RRBP1: variants seen among roughly 807,000 people sequenced by gnomAD.
RRBP1 encodes ribosome binding protein 1, also known as ribosome-binding protein 1.
A neutral mutation model predicts 165.2 loss-of-function variants in RRBP1; 94 were observed. That is an observed-to-expected ratio of 0.57 (90% CI 0.48 to 0.68). RRBP1 has a LOEUF of 0.68. Among genes scored for constraint, RRBP1 ranks in the 30% least tolerant of loss-of-function variants. The probability of loss-of-function intolerance (pLI) is 0.00; values close to 1 mark genes in which losing one functional copy is unlikely to be tolerated. For synonymous variants in RRBP1, 680 were observed against 714.5 expected (o/e 0.95, Z 0.77); for missense variants, 1,676 against 1,763.0 (o/e 0.95, Z 0.88).
rs980690209 is a variant in RRBP1 at position 17,643,764 on chromosome 20, G to A, written c.1913-637C>T. Among the ~76,000 whole-genome samples the A allele has an allele frequency of 6.6e-6, 1 of 152,152 alleles. No homozygotes were observed. Among genetic ancestry groups the A allele is most frequent in the Non-Finnish European group, 1.5e-5 (1 of 68,034 alleles). ...AGGCTGGCTGGGTTCTTATAGAAAG[G>A]GCCTGTCCACTGGCCAGTCCATGAG... On this transcript the variant is annotated intron_variant, in intron 3 of 24. Coordinates refer to ENST00000377813, the MANE Select transcript of RRBP1 (RefSeq NM_001365613.2). This position sits in a 1 kb window ranked among gnomAD's most constrained non-coding sequence, Gnocchi z 4.3.
rs200982377 is a variant in RRBP1, at chr20:17,621,951, G to C, written c.3148-4C>G. The C allele has an allele frequency of 2.7e-4, 441 of 1,609,968 alleles. 5 individuals are homozygous for C. In the African/African-American group the frequency reaches 5.4e-3, roughly 20 times the overall value. On this transcript the variant is annotated splice_region_variant and splice_polypyrimidine_tract_variant and intron_variant, in intron 13 of 24. Coordinates refer to ENST00000377813, the MANE Select transcript of RRBP1 (RefSeq NM_001365613.2). ...AGAGCTGCTTCTCCGATTCCTCCTGGGGGGTGGGTGGGGAAGAGCGGAAGG... is the reference window on the plus strand; with the variant it reads ...AGAGCTGCTTCTCCGATTCCTCCTGCGGGGTGGGTGGGGAAGAGCGGAAGG...
At chr20:17,616,917 C>T (rs761553694) in intron 20 of RRBP1, 78 bp from the exon 21 acceptor site, 3 of 1,154,644 alleles carry the variant, frequency 2.6e-6, no homozygotes, top group Non-Finnish European at 2.6e-6. Context: ...GGGACCCCCT[C>T]GGAGGACCGT....
intron 24 of RRBP1, among the ~76,000 whole-genome samples, chr20:17,614,492 G>A (rs1479989518): frequency 6.6e-6 from 1 of 152,262 alleles, no homozygotes; most frequent in African/African-American, 2.4e-5. Flanking sequence ...CCAGCAGGGG[G>A]ATCAGACACT....
intron 1 of RRBP1, among the ~76,000 whole-genome samples, chr20:17,680,473 C>T (rs1187826985): frequency 6.6e-6 from 1 of 152,152 alleles, no homozygotes; most frequent in Non-Finnish European, 1.5e-5. Context: ...TGAGCAGTGA[C>T]GTGGGAGGCT....
At chr20:17,666,399 TAA>T (rs1232238425) in intron 2 of RRBP1, among the ~76,000 whole-genome samples, 1 of 152,102 alleles carries the variant, frequency 6.6e-6, no homozygotes, top group African/African-American at 2.4e-5. Context: ...ATTTTCTCCA[TAA>T]AAGTCTTACA....
At chr20:17,658,495 T>A in intron 3 of RRBP1, 101 bp downstream of exon 3, 2 of 1,020,144 alleles carry the variant, frequency 2.0e-6, no homozygotes. Context: ...AGCCTTATTA[T>A]GACAATAGCT....
At chr20:17,619,357 G>A (rs919920317) in intron 19 of RRBP1, 2 of 373,214 alleles carry the variant, frequency 5.4e-6, no homozygotes, top group Non-Finnish European at 9.6e-6. Flanking sequence ...CCTTGCGGAG[G>A]GATAACCTAG....
chr20:17,663,446 T>C (rs2036808634), intron 2 of RRBP1, among the ~76,000 whole-genome samples: 1 of 152,242 alleles, frequency 6.6e-6, no homozygotes, highest in Admixed American at 6.5e-5. Context: ...AGCACAAATG[T>C]GTCTTCCCAA....
intron 3 of RRBP1, among the ~76,000 whole-genome samples, chr20:17,653,935 T>C (rs1270312944): frequency 1.3e-5 from 2 of 151,774 alleles, no homozygotes; most frequent in South Asian, 2.1e-4. Flanking sequence ...CCAATGTTGA[T>C]GGGGACATTA....
In RRBP1 at chr20:17,645,322, T is replaced by C. The variant is rs529660219; in HGVS notation, c.1913-2195A>G. On this transcript the variant is annotated intron_variant, in intron 3 of 24. Coordinates refer to ENST00000377813, the MANE Select transcript of RRBP1 (RefSeq NM_001365613.2). ...TCTCGGAGCGGCATTCTCATAAATC[T>C]TTATTAAAACTTTCTAACGTAATTC... Among the ~76,000 whole-genome samples, 3 of 152,360 alleles carry C rather than the reference T, an allele frequency of 2.0e-5. No individual in the cohort carries two copies. The South Asian group carries it at 6.2e-4, about 32-fold the overall frequency.
rs917217466 is a variant in RRBP1, at chr20:17,643,370, G to A, written c.1913-243C>T. Among the ~76,000 whole-genome samples the A allele has an allele frequency of 6.6e-6, 1 of 152,090 alleles. No homozygotes were observed. The highest frequency in any genetic ancestry group is 1.5e-5 in the Non-Finnish European group (1 of 67,990). On this transcript the variant is annotated intron_variant, in intron 3 of 24. Transcript: ENST00000377813. The surrounding 1 kb of genome is among the most constrained non-coding windows in gnomAD (Gnocchi z 4.3). Reference sequence around the variant, plus strand: ...ACTCGCCCATAGGAAGTCCCAGCCTGGGGTGGAAGTAGAGCTCCTCTTTTT... The same window carrying A: ...ACTCGCCCATAGGAAGTCCCAGCCTAGGGTGGAAGTAGAGCTCCTCTTTTT...
chr20:17,635,743 G>A (rs2036235747), intron 6 of RRBP1, 79 bp from the exon 7 acceptor site: 2 of 1,047,604 alleles, frequency 1.9e-6, no homozygotes, highest in Non-Finnish European at 1.5e-6. Flanking sequence ...GGTTAGTGAA[G>A]ACACAGCCCA....
At position 17,658,808 on chromosome 20, in the gene RRBP1, C is replaced by G; in HGVS notation, c.1700G>C (p.Gly567Ala). The change falls in exon 3 of 25, where the codon GGG becomes GCG. Residue 567 changes from glycine (G) to alanine (A), a missense_variant. Coordinates refer to ENST00000377813, the MANE Select transcript of RRBP1 (RefSeq NM_001365613.2). ...ACTGGGGGACCCTTCTGCTTTTTTC[C>G]CCTGGTTTGTAATACCCTCTACCTT... ...GTKVEGITNQ[G>A]KKAEGSPSEG... The G allele has an allele frequency of 6.2e-7, 1 of 1,613,962 alleles. No homozygotes were observed. The highest frequency in any genetic ancestry group is 1.6e-4 in the Middle Eastern group (1 of 6,062).
At chr20:17,615,378 C>T in intron 23 of RRBP1, 53 bp downstream of exon 23, 1 of 1,434,534 alleles carries the variant, frequency 7.0e-7, no homozygotes, top group African/African-American at 1.4e-5. Context: ...AAGAGTGGCG[C>T]CAGCCCCAGA....
At chr20:17,645,192 G>A (rs902617591) in intron 3 of RRBP1, among the ~76,000 whole-genome samples, 2 of 152,202 alleles carry the variant, frequency 1.3e-5, no homozygotes, top group Admixed American at 1.3e-4. Flanking sequence ...TCTGGATAAG[G>A]CAGCTGGAGG....
At chr20:17,633,365 CA>C in intron 8 of RRBP1, 94 bp downstream of exon 8, 2 of 1,366,764 alleles carry the variant, frequency 1.5e-6, no homozygotes, top group Non-Finnish European at 2.0e-6. Context: ...AACGGGTGCC[CA>C]GTGTGGCACG....
intron 3 of RRBP1, among the ~76,000 whole-genome samples, chr20:17,649,590 T>TG (rs1467526190): frequency 2.5e-4 from 2 of 7,886 alleles, no homozygotes; most frequent in African/African-American, 1.8e-3. Context: ...CAGGCGTGGG[T>TG]GGGTGGGTGG....
At position 17,621,681 on chromosome 20, in the gene RRBP1, C is replaced by A; in HGVS notation, c.3324+9G>T. The A allele has an allele frequency of 6.2e-7, 1 of 1,613,162 alleles. No homozygotes were observed. Reference sequence around the variant, plus strand: ...CAACAGAGGAGCCTTGCCAGGCAGCCACACTTACCGAGGAGGGCTCCGCGG... The same window carrying A: ...CAACAGAGGAGCCTTGCCAGGCAGCAACACTTACCGAGGAGGGCTCCGCGG... On this transcript the variant is annotated intron_variant, in intron 15 of 24. Coordinates refer to ENST00000377813, the MANE Select transcript of RRBP1 (RefSeq NM_001365613.2).
In RRBP1 at chr20:17,648,516, C is replaced by T. The variant is rs141452469; in HGVS notation, c.1913-5389G>A. On this transcript the variant is annotated intron_variant, in intron 3 of 24. Transcript: ENST00000377813. Reference sequence around the variant, plus strand: ...CAGCTGCACTTGACCCCAAATGCCACGAACGGTCACATCCGCAGCTTTAAG... The same window carrying T: ...CAGCTGCACTTGACCCCAAATGCCATGAACGGTCACATCCGCAGCTTTAAG... Among the ~76,000 whole-genome samples, 258 of 152,364 alleles carry T rather than the reference C, an allele frequency of 1.7e-3. 5 individuals are homozygous for T. In the East Asian group the frequency reaches 0.045, roughly 27 times the overall value.
Sources: allele counts gnomAD v4.1 joint callset (sites outside exome capture counted in the v4.1 genomes callset), GRCh38; gene constraint gnomAD v4.1.1; non-coding constraint Gnocchi (gnomAD v3.1); transcripts MANE v1.5; gene names NCBI Gene and HGNC (gene_info 2026-07-23, HGNC 2026-07-21).